The following BORA variants were observed in gnomAD, a reference collection of about 807,000 sequenced individuals.
BORA encodes the protein protein aurora borealis.
A neutral mutation model predicts 55.8 loss-of-function variants in BORA; 26 were observed. That is an observed-to-expected ratio of 0.47 (90% confidence interval 0.34 to 0.65). The LOEUF (loss-of-function observed/expected upper bound fraction) is 0.65. BORA is among the 30% of genes least tolerant of loss of function. The pLI, the probability that BORA is intolerant of heterozygous loss-of-function variation, is 0.01. For synonymous variants in BORA, 201 were observed against 216.9 expected, an observed-to-expected ratio of 0.93 and a Z score of 0.64; for missense variants, 568 against 671.5, an observed-to-expected ratio of 0.85 and a Z score of 1.70.
At chr13:72,731,490 G>A in intron 3 of BORA, 103 bp downstream of exon 3, 2 of 845,194 alleles carry the variant, frequency 2.4e-6, no homozygotes, top group South Asian at 1.6e-5. Context: ...GTATCAGGGA[G>A]AAAAAATTTT....
intron 3 of BORA, among the ~76,000 whole-genome samples, chr13:72,733,189 CA>C (rs1327435314): frequency 6.0e-4 from 92 of 152,250 alleles, no homozygotes; most frequent in African/African-American, 2.1e-3. Flanking sequence ...TAGAAACAAG[CA>C]GTGTCTTTCA....
At chr13:72,749,129 G>A (rs1450003907) in intron 10 of BORA, among the ~76,000 whole-genome samples, 5 of 152,184 alleles carry the variant, frequency 3.3e-5, no homozygotes, top group African/African-American at 1.2e-4. Flanking sequence ...TAAAGACATT[G>A]CATGTGTGAT....
chr13:72,745,975 G>C lies in BORA; in HGVS notation c.770G>C (p.Ser257Thr). The C allele has an allele frequency of 6.2e-7, 1 of 1,612,982 alleles. No individual in the cohort carries two copies. ...TTTTCTTCTAGCCCTATTCAGGCTA[G>C]TGCAAAAAAATACAGCTTGGGAAGC... ...GQFSSSPIQA[S>T]AKKYSLGSIT... The change falls in exon 9 of 12, where the codon AGT becomes ACT. Residue 257 changes from serine to threonine, a missense_variant. Transcript: ENST00000390667.
Position 72,743,625 on chromosome 13 carries a change from A to G in BORA, c.454+23A>G, listed in dbSNP as rs111789858. The G allele has an allele frequency of 1.5e-3, 2,377 of 1,575,022 alleles. 31 individuals carry two copies. The African/African-American group carries it at 0.026, about 18-fold the overall frequency. On this transcript the variant is annotated intron_variant, in intron 6 of 11. Transcript: ENST00000390667. ...ATGGTGAGTATGAACACAATTTGAA[A>G]AGAAGGATGTTCCATATTAAGCTAC...
chr13:72,737,904 T>C lies in BORA; in HGVS notation c.307-58T>C, dbSNP rs1055827887. ...TAATAATTACTTGGAAAAACACAGG[T>C]ACCGTCTCACATTTTGGGTGGAATT... is the stretch of plus-strand genomic sequence containing the variant. On this transcript the variant is annotated intron_variant, in intron 4 of 11. Transcript: ENST00000390667. 7 of 1,122,124 alleles carry C rather than the reference T, an allele frequency of 6.2e-6. No homozygotes were observed. The African/African-American group carries it at 1.1e-4, about 17-fold the overall frequency. 69.5% of individuals were successfully genotyped at this position (1,122,124 alleles called of 1,614,324 possible).
intron 1 of BORA, chr13:72,728,223 T>G: frequency 1.4e-6 from 1 of 729,436 alleles, no homozygotes; most frequent in Non-Finnish European, 2.4e-6. Flanking sequence ...CATCTCAACC[T>G]TCCAGAAGTA....
chr13:72,738,063 T>C lies in BORA; in HGVS notation c.388+20T>C. On this transcript the variant is annotated intron_variant, in intron 5 of 11. Transcript: ENST00000390667. The stretch of plus-strand genomic sequence containing the variant: ...GTAAATGTGAGTGTACTAAAAATGA[T>C]ATGAATAAAAATCAAAAAAGTCGGT... 6.4e-7 allele frequency: 1 copy of C among 1,551,626 alleles called. No individual in the cohort carries two copies. The highest frequency in any genetic ancestry group is 1.2e-5 in the South Asian group (1 of 86,044).
rs1246392584 is a variant in BORA at position 72,754,598 on chromosome 13, G to T, written c.1615-553G>T. 2.6e-5 allele frequency: 4 copies of T among 152,218 alleles called. No individual in the cohort carries two copies. In the East Asian group the frequency reaches 5.8e-4, roughly 22 times the overall value. 9.4% of individuals were successfully genotyped at this position (152,218 alleles called of 1,614,324 possible). On this transcript the variant is annotated intron_variant, in intron 11 of 11. Coordinates refer to ENST00000390667, the MANE Select transcript of BORA (RefSeq NM_024808.5). The stretch of plus-strand genomic sequence containing the variant: ...AGTAGGAGCAAACTGCCTTTCTGTT[G>T]TATGTAGTATCAGAGCAGGTCTCTT...
chr13:72,749,708 C>T (rs944870280), intron 10 of BORA, among the ~76,000 whole-genome samples: 2 of 152,148 alleles, frequency 1.3e-5, no homozygotes, highest in African/African-American at 4.8e-5. Context: ...GTCCCACTAG[C>T]TTTCCAAAGT....
intron 3 of BORA, among the ~76,000 whole-genome samples, chr13:72,733,391 AC>A (rs2032858203): frequency 6.6e-6 from 1 of 152,128 alleles, no homozygotes; most frequent in South Asian, 2.1e-4. Flanking sequence ...CCACACCTAT[AC>A]CTATATGCAT....
In BORA at chr13:72,727,960, C is replaced by T. The variant is rs534238971; in HGVS notation, c.-63C>T. 15 of 1,550,478 alleles carry T rather than the reference C, an allele frequency of 9.7e-6. No homozygotes were observed. In the East Asian group the frequency reaches 1.7e-4, roughly 18 times the overall value. ...CCTGTCGTGGAAGCTGGCCTGGCCC[C>T]CGGAGCTCCCTGGAGTCGGTACTGG... On this transcript the variant is annotated 5_prime_UTR_variant, in exon 1 of 12. Coordinates refer to ENST00000390667, the MANE Select transcript of BORA (RefSeq NM_024808.5).
intron 2 of BORA, 40 bp downstream of exon 2, chr13:72,729,133 T>C (rs778232162): frequency 4.3e-6 from 6 of 1,406,398 alleles, no homozygotes; most frequent in Non-Finnish European, 5.7e-6. Flanking sequence ...TAATTTTAAA[T>C]GTAAGTAATT....
Position 72,727,974 on chromosome 13 carries a change from A to T in BORA, c.-49A>T, listed in dbSNP as rs1345848799. 5 of 1,550,524 alleles carry T rather than the reference A, an allele frequency of 3.2e-6. No individual in the cohort carries two copies. Among genetic ancestry groups the T allele is most frequent in the South Asian group, 2.4e-5 (2 of 84,062 alleles). On this transcript the variant is annotated 5_prime_UTR_variant, in exon 1 of 12. Transcript: ENST00000390667. ...TGGCCTGGCCCCCGGAGCTCCCTGGAGTCGGTACTGGGGGCTTCGTTTTGT... is the reference window on the plus strand; with the variant it reads ...TGGCCTGGCCCCCGGAGCTCCCTGGTGTCGGTACTGGGGGCTTCGTTTTGT...
intron 7 of BORA, 90 bp from the exon 8 acceptor site, chr13:72,744,891 T>G: frequency 8.3e-7 from 1 of 1,203,038 alleles, no homozygotes; most frequent in Non-Finnish European, 1.2e-6. Flanking sequence ...TCAAACATAG[T>G]GCATGCTGGC....
At chr13:72,731,525 G>A in intron 3 of BORA, 138 bp downstream of exon 3, 1 of 668,808 alleles carries the variant, frequency 1.5e-6, no homozygotes, top group Non-Finnish European at 2.6e-6. Flanking sequence ...CTATCTAAAT[G>A]AATGAGTTCA....
At chr13:72,746,420 G>A in intron 9 of BORA, 81 bp from the exon 10 acceptor site, 1 of 1,452,428 alleles carries the variant, frequency 6.9e-7, no homozygotes, top group Non-Finnish European at 9.2e-7. Context: ...TTCCTGGCAT[G>A]AAACATGATT....
chr13:72,745,108 C>G lies in BORA; in HGVS notation c.639C>G (p.Pro213=), dbSNP rs745391117. ...SISDSLPSAS[P]GSPHSGVQTS... Reference sequence around the variant, plus strand: ...CCGACTCCTTACCTTCGGCTTCTCCCGGAAGTCCTCACAGTGGTGTTCAAA... The same window carrying G: ...CCGACTCCTTACCTTCGGCTTCTCCGGGAAGTCCTCACAGTGGTGTTCAAA... The change falls in exon 8 of 12, where the codon CCC becomes CCG. Residue 213 remains proline, a synonymous_variant. Transcript: ENST00000390667. 9.9e-6 allele frequency: 16 copies of G among 1,613,958 alleles called. No individual in the cohort carries two copies. The Admixed American group carries it at 2.5e-4, about 25-fold the overall frequency.
chr13:72,735,001 A>T lies in BORA; in HGVS notation c.302A>T (p.Glu101Val). 6.3e-7 allele frequency: 1 copy of T among 1,589,134 alleles called. No individual in the cohort carries two copies. Among genetic ancestry groups the T allele is most frequent in the Non-Finnish European group, 8.6e-7 (1 of 1,158,498 alleles). The change falls in exon 4 of 12, where the codon GAA becomes GTA. Residue 101 changes from glutamate (E) to valine (V), a missense_variant. Glu to Val is a moderately radical substitution (Grantham distance 121). Coordinates refer to ENST00000390667, the MANE Select transcript of BORA (RefSeq NM_024808.5). ...DVEDKRQKAI[E>V]EFFTKDVIVP... is the part of the protein sequence containing the mutation. ...GAAGACAAAAGACAAAAAGCCATTGAAGAGGTAACTTAAACTGTTACTGAT... is the reference window on the plus strand; with the variant it reads ...GAAGACAAAAGACAAAAAGCCATTGTAGAGGTAACTTAAACTGTTACTGAT...
At chr13:72,754,690 G>C (rs1369899156) in intron 11 of BORA, 2 of 152,574 alleles carry the variant, frequency 1.3e-5, no homozygotes, top group African/African-American at 4.8e-5. Context: ...CATAAGTAGA[G>C]ATAAATGAAG....
Sources: gnomAD v4.1 joint callset for allele counts (sites outside exome capture counted in the v4.1 genomes callset) on GRCh38, gnomAD v4.1.1 for gene constraint, MANE v1.5 for transcripts, NCBI Gene and HGNC (gene_info 2026-07-23, HGNC 2026-07-21) for gene names.